ITGAD: variants seen among roughly 807,000 people sequenced by gnomAD.
ITGAD encodes integrin subunit alpha D.
Under a neutral mutation model 139.0 loss-of-function variants are expected in ITGAD, and 105 were observed. The observed-to-expected ratio is 0.76, with a 90% CI of 0.65 to 0.89. ITGAD has a LOEUF of 0.89. ITGAD is among the 40% of genes least tolerant of loss of function. The pLI, the probability that ITGAD is intolerant of heterozygous loss-of-function variation, is 0.00. For missense variants in ITGAD, 1,384 were observed against 1,487.3 expected, an observed-to-expected ratio of 0.93 and a Z score of 1.14; for synonymous variants, 569 against 598.3, an observed-to-expected ratio of 0.95 and a Z score of 0.71.
rs752105343 is a variant in ITGAD, at chr16:31,423,252, G to A, written c.2859+60G>A. 3.1e-6 allele frequency: 5 copies of A among 1,594,788 alleles called. No individual in the cohort carries two copies. The Admixed American group carries it at 8.3e-5, about 27-fold the overall frequency. ...ACGTTGTGGATAAAGTTGGAAGTTG[G>A]TGGAGAAGATGGAGAGGAGCCTTGG... On this transcript the variant is annotated intron_variant, in intron 24 of 29. Coordinates refer to ENST00000389202, the MANE Select transcript of ITGAD (RefSeq NM_005353.3).
rs538127485 is a variant in ITGAD, at chr16:31,408,657, G to A, written c.1083+159G>A. The A allele has an allele frequency of 1.2e-4, 74 of 613,136 alleles. 1 individual carries two copies. The highest frequency in any genetic ancestry group is 4.1e-4 in the South Asian group (21 of 51,558). 38.0% of individuals were successfully genotyped at this position (613,136 alleles called of 1,614,324 possible). A position where few individuals can be genotyped will look rare whatever the true frequency, so the allele number is the denominator to read the frequency against. On this transcript the variant is annotated intron_variant, in intron 10 of 29. Coordinates refer to ENST00000389202, the MANE Select transcript of ITGAD (RefSeq NM_005353.3). Reference sequence around the variant, plus strand: ...TGTTAGGGGCCAGGAGCACAGCAGGGAGGAGGGTAGCCTGGGTTCCTGCTC... The same window carrying A: ...TGTTAGGGGCCAGGAGCACAGCAGGAAGGAGGGTAGCCTGGGTTCCTGCTC...
chr16:31,397,080 T>G (rs1389305232), intron 2 of ITGAD, among the ~76,000 whole-genome samples: 1 of 116,954 alleles, frequency 8.6e-6, no homozygotes, highest in Non-Finnish European at 2.0e-5. Context: ...TTTTTTTTTT[T>G]TTTTTTTTTT....
chr16:31,401,557 G>T (rs143744862), intron 5 of ITGAD, among the ~76,000 whole-genome samples: 8 of 152,270 alleles, frequency 5.3e-5, no homozygotes, highest in African/African-American at 1.9e-4. Context: ...TACAGGCCTC[G>T]AAGGTGCCTG....
chr16:31,405,146 T>C (rs981622874), intron 7 of ITGAD, among the ~76,000 whole-genome samples: 3 of 152,160 alleles, frequency 2.0e-5, no homozygotes, highest in African/African-American at 7.2e-5. Context: ...CCACCACACC[T>C]GGCTAATGTT....
rs1035316720 is a variant in ITGAD, at chr16:31,403,169, T to A, written c.559-331T>A. The A allele has an allele frequency of 1.7e-5, 3 of 173,622 alleles. No homozygotes were observed. Among genetic ancestry groups the A allele is most frequent in the Non-Finnish European group, 3.7e-5 (3 of 82,088 alleles). 10.8% of individuals were successfully genotyped at this position (173,622 alleles called of 1,614,324 possible). ...AATCCAAAATAATTCCAAAATAAAG[T>A]TTATTAAAACTGAAAACAATATGGC... On this transcript the variant is annotated intron_variant, in intron 6 of 29. Transcript: ENST00000389202. This position sits in a 1 kb window ranked among gnomAD's most constrained non-coding sequence, Gnocchi z 4.4.
chr16:31,418,750 G>C (rs575552208), intron 23 of ITGAD, among the ~76,000 whole-genome samples, 186 bp downstream of exon 23: 1 of 152,360 alleles, frequency 6.6e-6, no homozygotes, highest in Admixed American at 6.5e-5. Context: ...GCTGGGCGCG[G>C]TACCTCGCGC....
intron 11 of ITGAD, 55 bp from the exon 12 acceptor site, chr16:31,410,681 C>T: frequency 6.6e-7 from 1 of 1,510,350 alleles, no homozygotes; most frequent in South Asian, 1.2e-5. Flanking sequence ...GGTGGGGGTC[C>T]AGGGTTCTGG....
At chr16:31,399,043 G>A (rs2081340931) in intron 5 of ITGAD, among the ~76,000 whole-genome samples, 1 of 152,180 alleles carries the variant, frequency 6.6e-6, no homozygotes, top group African/African-American at 2.4e-5. Context: ...TGCGGAAAAT[G>A]CGATGTGCAA....
intron 14 of ITGAD, 132 bp downstream of exon 14, chr16:31,411,649 C>T (rs887174323): frequency 3.6e-6 from 3 of 831,802 alleles, no homozygotes; most frequent in Non-Finnish European, 5.7e-6. Flanking sequence ...CACGTCATCT[C>T]TCTTCTCTCC....
At chr16:31,419,204 A>C (rs571279739) in intron 23 of ITGAD, among the ~76,000 whole-genome samples, 513 of 152,176 alleles carry the variant, frequency 3.4e-3, no homozygotes, top group Non-Finnish European at 4.1e-3. Flanking sequence ...AACAAAAAAA[A>C]AAAAAAAAGG....
intron 10 of ITGAD, 43 bp downstream of exon 10, chr16:31,408,541 C>G: frequency 6.5e-6 from 10 of 1,548,142 alleles, no homozygotes; most frequent in Non-Finnish European, 8.9e-6. Flanking sequence ...TGGATACCAA[C>G]TCTGCACCCA....
In ITGAD at chr16:31,423,462, A is replaced by G. The variant is rs778335784; in HGVS notation, c.2967+3A>G. 5.6e-6 allele frequency: 9 copies of G among 1,611,948 alleles called. No individual in the cohort carries two copies. The highest frequency in any genetic ancestry group is 7.6e-6 in the Non-Finnish European group (9 of 1,178,358). ...TGGTCATGGAGGCCCCATCTCAGGTACCCGCCTATCTCTCCTCTTTCTTCA... is the reference window on the plus strand; with the variant it reads ...TGGTCATGGAGGCCCCATCTCAGGTGCCCGCCTATCTCTCCTCTTTCTTCA... On this transcript the variant is annotated splice_donor_region_variant and intron_variant, in intron 25 of 29. Coordinates refer to ENST00000389202, the MANE Select transcript of ITGAD (RefSeq NM_005353.3).
In ITGAD at chr16:31,411,134, C is replaced by T. The variant is rs150314297; in HGVS notation, c.1415C>T (p.Thr472Ile). The T allele has an allele frequency of 2.6e-5, 42 of 1,613,442 alleles. No homozygotes were observed. The highest frequency in any genetic ancestry group is 3.4e-5 in the Non-Finnish European group (40 of 1,179,818). The change falls in exon 13 of 30, where the codon ACC (threonine) becomes ATC (isoleucine). Residue 472 changes from threonine to isoleucine, a missense_variant. Thr to Ile is a moderately conservative substitution (Grantham distance 89, BLOSUM62 -1). Transcript: ENST00000389202. ...GTGGATGTGGACAGCGATGGCAGCA[C>T]CGACCTGATCCTCATTGGGGCCCCC... ...CSVDVDSDGS[T>I]DLILIGAPHY...
At chr16:31,420,691 C>G (rs1735819681) in intron 23 of ITGAD, among the ~76,000 whole-genome samples, 1 of 152,206 alleles carries the variant, frequency 6.6e-6, no homozygotes, top group South Asian at 2.1e-4. Flanking sequence ...TCTCCTGCCT[C>G]AGCCTCTCGA....
At chr16:31,418,005 C>A in intron 20 of ITGAD, 70 bp from the exon 21 acceptor site, 1 of 1,176,408 alleles carries the variant, frequency 8.5e-7, no homozygotes. Context: ...CTCTGCAGTG[C>A]CACCACTGCT....
At chr16:31,398,181 C>T (rs2081318954) in intron 5 of ITGAD, among the ~76,000 whole-genome samples, 1 of 152,140 alleles carries the variant, frequency 6.6e-6, no homozygotes. Context: ...TTTTAGGAGG[C>T]TGAGGTGGGC....
At chr16:31,394,188 T>G (rs771366934) in intron 1 of ITGAD, 48 bp from the exon 2 acceptor site, 25 of 1,216,596 alleles carry the variant, frequency 2.1e-5, no homozygotes, top group Non-Finnish European at 3.0e-5. Context: ...TCCTAGGGAT[T>G]GGGGCTTCTT....
intron 14 of ITGAD, 120 bp from the exon 15 acceptor site, chr16:31,412,718 G>C (rs1229208255): frequency 2.3e-6 from 3 of 1,281,452 alleles, no homozygotes; most frequent in Admixed American, 3.7e-5. Flanking sequence ...GGTGACATCT[G>C]TTCACAGCTC....
intron 2 of ITGAD, 53 bp from the exon 3 acceptor site, chr16:31,397,306 C>A: frequency 1.6e-6 from 2 of 1,283,896 alleles, no homozygotes; most frequent in Non-Finnish European, 2.2e-6. Context: ...CAAGTGCCCG[C>A]TGCTCCCACC....
Sources: gnomAD v4.1 joint callset for allele counts (sites outside exome capture counted in the v4.1 genomes callset) on GRCh38, gnomAD v4.1.1 for gene constraint, Gnocchi (gnomAD v3.1) non-coding constraint, MANE v1.5 for transcripts, NCBI Gene and HGNC (gene_info 2026-07-23, HGNC 2026-07-21) for gene names.